The following RTN4RL1 variants were observed in gnomAD, a reference collection of about 807,000 sequenced individuals.
RTN4RL1 encodes the protein reticulon 4 receptor like 1.
Under a neutral mutation model 25.6 loss-of-function variants are expected in RTN4RL1, and 7 were observed. The observed-to-expected ratio is 0.27, with a 90% CI of 0.16 to 0.51. The LOEUF (loss-of-function observed/expected upper bound fraction) is 0.51, where lower values mean the gene tolerates loss of function less well. Ranked by LOEUF, RTN4RL1 falls within the 20% of genes least tolerant of loss-of-function variation. The pLI is 0.97. For synonymous variants in RTN4RL1, 297 were observed against 288.2 expected (o/e 1.03, Z -0.31); for missense variants, 500 against 615.6 (o/e 0.81, Z 1.99).
At chr17:1,957,849 A>T (rs1261056821) in intron 1 of RTN4RL1, among the ~76,000 whole-genome samples, 3 of 139,196 alleles carry the variant, frequency 2.2e-5, no homozygotes, top group African/African-American at 7.9e-5. Flanking sequence ...GTCTCAAACA[A>T]CAACAACAAA....
At chr17:1,954,983 T>A (rs1915761468) in intron 1 of RTN4RL1, among the ~76,000 whole-genome samples, 1 of 152,228 alleles carries the variant, frequency 6.6e-6, no homozygotes, top group Non-Finnish European at 1.5e-5. Flanking sequence ...TCGGACCCTC[T>A]GCAGGATTTC....
chr17:1,974,802 C>T (rs1362400008), intron 1 of RTN4RL1, among the ~76,000 whole-genome samples: 1 of 152,196 alleles, frequency 6.6e-6, no homozygotes, highest in African/African-American at 2.4e-5. Context: ...CCACTGTCTC[C>T]CATCGGCTGA....
In RTN4RL1 at chr17:1,994,457, G is replaced by A. The variant is rs1028359473; in HGVS notation, c.13+30396C>T. The stretch of plus-strand genomic sequence containing the variant: ...TACTGCCCAAGTCCTGAATATCCTC[G>A]GCCTCATCCCCTGATATTCTCAATT... On this transcript the variant is annotated intron_variant, in intron 1 of 1. Transcript: ENST00000331238. The surrounding 1 kb of genome is among the most constrained non-coding windows in gnomAD (Gnocchi z 4.3). Among the ~76,000 whole-genome samples the A allele has an allele frequency of 9.5e-4, 145 of 152,248 alleles. No individual in the cohort carries two copies. Among genetic ancestry groups the A allele is most frequent in the African/African-American group, 3.1e-3 (130 of 41,542 alleles).
intron 1 of RTN4RL1, among the ~76,000 whole-genome samples, chr17:1,945,246 C>T (rs1467947715): frequency 6.6e-6 from 1 of 152,118 alleles, no homozygotes; most frequent in African/African-American, 2.4e-5. Flanking sequence ...TTTTCTGTGA[C>T]AGAATCTCAC....
intron 1 of RTN4RL1, among the ~76,000 whole-genome samples, chr17:1,961,773 C>CAAAAAAAAAGAAAAAAAAAAAAAAAAAA (rs2066762907): frequency 1.8e-5 from 1 of 55,578 alleles, no homozygotes; most frequent in African/African-American, 6.9e-5. Flanking sequence ...ACTAAAAATA[C>CAAAAAAAAAGAAAAAAAAAAAAAAAAAA]AAAAAAAAAA....
At chr17:2,021,632 G>A (rs1383764887) in intron 1 of RTN4RL1, among the ~76,000 whole-genome samples, 1 of 135,690 alleles carries the variant, frequency 7.4e-6, no homozygotes, top group Admixed American at 8.8e-5. Flanking sequence ...TTGGCTCACT[G>A]TAACCTCCGC....
At chr17:1,940,426 C>T (rs1567848033) in intron 1 of RTN4RL1, among the ~76,000 whole-genome samples, 2 of 152,190 alleles carry the variant, frequency 1.3e-5, no homozygotes, top group East Asian at 3.8e-4. Flanking sequence ...CTGTTTCCCC[C>T]TCCTACCTCA....
At chr17:2,021,586 G>A (rs868568228) in intron 1 of RTN4RL1, among the ~76,000 whole-genome samples, 2 of 119,054 alleles carry the variant, frequency 1.7e-5, no homozygotes, top group Non-Finnish European at 3.2e-5. Context: ...ACAGAGTCTC[G>A]CATCTTCTCC....
chr17:2,022,515 C>T (rs971068132), intron 1 of RTN4RL1, among the ~76,000 whole-genome samples: 1 of 152,214 alleles, frequency 6.6e-6, no homozygotes, highest in Admixed American at 6.5e-5. Context: ...TCAATGGCCA[C>T]CTCCCTGGGC....
chr17:1,992,968 C>T (rs546058451), intron 1 of RTN4RL1, among the ~76,000 whole-genome samples: 16 of 152,240 alleles, frequency 1.1e-4, no homozygotes, highest in African/African-American at 2.2e-4. Context: ...GAGGGCCGGG[C>T]GCGGTGGCTC....
intron 1 of RTN4RL1, among the ~76,000 whole-genome samples, chr17:1,955,587 C>T (rs1012240214): frequency 6.7e-6 from 1 of 149,144 alleles, no homozygotes; most frequent in Non-Finnish European, 1.5e-5. Flanking sequence ...ATTATTATTA[C>T]TATTATTATT....
intron 1 of RTN4RL1, among the ~76,000 whole-genome samples, chr17:1,966,559 C>A (rs371467113): frequency 1.3e-5 from 2 of 152,106 alleles, no homozygotes; most frequent in African/African-American, 2.4e-5. Context: ...GCGATCTCAG[C>A]GTGCTCCTAG....
At chr17:1,950,957 A>G (rs549533223) in intron 1 of RTN4RL1, among the ~76,000 whole-genome samples, 1 of 151,544 alleles carries the variant, frequency 6.6e-6, no homozygotes, top group South Asian at 2.1e-4. Context: ...TTAAGAAAGT[A>G]AAGGAACTAA....
intron 1 of RTN4RL1, among the ~76,000 whole-genome samples, chr17:1,948,238 G>T (rs1301324477): frequency 6.6e-6 from 1 of 152,210 alleles, no homozygotes; most frequent in Non-Finnish European, 1.5e-5. Flanking sequence ...GCCCCACCTG[G>T]TCCTGGCAGT....
intron 1 of RTN4RL1, among the ~76,000 whole-genome samples, chr17:2,006,817 G>T (rs553627614): frequency 5.9e-5 from 9 of 151,998 alleles, no homozygotes; most frequent in Admixed American, 3.3e-4. Context: ...TAGTAGAGAC[G>T]GGGTTTCGCC....
intron 1 of RTN4RL1, among the ~76,000 whole-genome samples, chr17:1,945,614 G>C (rs1011833675): frequency 9.9e-5 from 15 of 152,152 alleles, no homozygotes; most frequent in African/African-American, 3.6e-4. Flanking sequence ...GCCTCCCAAA[G>C]TGCTGGGATA....
intron 1 of RTN4RL1, among the ~76,000 whole-genome samples, chr17:1,987,666 A>T (rs2066892573): frequency 6.7e-6 from 1 of 149,926 alleles, no homozygotes; most frequent in African/African-American, 2.5e-5. Flanking sequence ...TTTCACAGCC[A>T]ACAAAATCAC....
In RTN4RL1 at chr17:2,024,874, C is replaced by T; in HGVS notation, c.-9G>A. 2 of 1,583,568 alleles carry T rather than the reference C, an allele frequency of 1.3e-6. No homozygotes were observed. The highest frequency in any genetic ancestry group is 1.2e-5 in the South Asian group (1 of 86,698). On this transcript the variant is annotated 5_prime_UTR_variant, in exon 1 of 2. It adds an upstream start codon to the 5' untranslated region. Coordinates refer to ENST00000331238, the MANE Select transcript of RTN4RL1 (RefSeq NM_178568.4). ...TCACCTTTGCGAAGCATGTTGGCCACGGGGCCGCCGCTCCGAGGTCGGCCT... is the reference window on the plus strand; with the variant it reads ...TCACCTTTGCGAAGCATGTTGGCCATGGGGCCGCCGCTCCGAGGTCGGCCT...
intron 1 of RTN4RL1, among the ~76,000 whole-genome samples, chr17:1,963,841 C>T (rs1296393745): frequency 6.6e-6 from 1 of 152,198 alleles, no homozygotes; most frequent in Non-Finnish European, 1.5e-5. Flanking sequence ...ACGCCATTCT[C>T]CTGCCTCAGG....
Sources: gnomAD v4.1 joint callset for allele counts (sites outside exome capture counted in the v4.1 genomes callset) on GRCh38, gnomAD v4.1.1 for gene constraint, Gnocchi (gnomAD v3.1) non-coding constraint, MANE v1.5 for transcripts, NCBI Gene and HGNC (gene_info 2026-07-23, HGNC 2026-07-21) for gene names.